STXBP6: variants seen among roughly 807,000 people sequenced by gnomAD.
STXBP6 encodes syntaxin binding protein 6.
In STXBP6, 21 loss-of-function variants were observed where a neutral mutation model predicts 26.9. The ratio of observed to expected loss-of-function variants is 0.78; its 90% CI spans 0.55 to 1.12. The LOEUF (loss-of-function observed/expected upper bound fraction) is 1.12. Ranked by LOEUF, STXBP6 falls within the 50% of genes most tolerant of loss-of-function variation. The pLI is 0.00. For missense variants in STXBP6, 232 were observed against 257.9 expected, an observed-to-expected ratio of 0.90 and a Z score of 0.69; for synonymous variants, 97 against 92.6, an observed-to-expected ratio of 1.05 and a Z score of -0.27.
chr14:24,891,993 C>T (rs552432912), intron 2 of STXBP6, among the ~76,000 whole-genome samples: 1 of 152,198 alleles, frequency 6.6e-6, no homozygotes, highest in Admixed American at 6.5e-5. Context: ...TGGACCAGAT[C>T]AGGTTCCCTT....
intron 2 of STXBP6, among the ~76,000 whole-genome samples, chr14:24,931,130 AAAAAAAAAAAAAC>A (rs1383376279): frequency 1.4e-5 from 2 of 138,916 alleles, no homozygotes; most frequent in Non-Finnish European, 3.1e-5. Context: ...AAAAAAAAAA[AAAAAAAAAAAAAC>A]CCAAACACCA....
At chr14:25,033,863 CTGAA>C (rs1272478820) in intron 1 of STXBP6, among the ~76,000 whole-genome samples, 2 of 152,120 alleles carry the variant, frequency 1.3e-5, no homozygotes, top group Non-Finnish European at 2.9e-5. Context: ...GACTCTTTTG[CTGAA>C]TGAATGAAAA....
intron 2 of STXBP6, among the ~76,000 whole-genome samples, chr14:24,945,897 T>G (rs2072971299): frequency 1.3e-5 from 2 of 152,280 alleles, no homozygotes; most frequent in Admixed American, 6.5e-5. Flanking sequence ...GGAGACACGC[T>G]GGATTTGAGA....
intron 2 of STXBP6, among the ~76,000 whole-genome samples, chr14:24,887,396 T>G (rs1343523926): frequency 6.6e-6 from 1 of 152,190 alleles, no homozygotes; most frequent in Non-Finnish European, 1.5e-5. Flanking sequence ...TTTAATCTCA[T>G]AGCAAAGATG....
intron 2 of STXBP6, among the ~76,000 whole-genome samples, chr14:24,876,724 A>G (rs921535974): frequency 5.9e-5 from 9 of 152,222 alleles, no homozygotes; most frequent in Admixed American, 3.3e-4. Flanking sequence ...GTAAGTCAAG[A>G]GCCTAAAATT....
intron 1 of STXBP6, among the ~76,000 whole-genome samples, chr14:25,006,390 T>C (rs1221638146): frequency 1.3e-5 from 2 of 152,232 alleles, no homozygotes; most frequent in Admixed American, 6.5e-5. Flanking sequence ...TCTTGCTCTG[T>C]TTCTAAGGCT....
intron 1 of STXBP6, among the ~76,000 whole-genome samples, chr14:25,018,390 A>G (rs1399743976): frequency 3.3e-5 from 5 of 152,200 alleles, no homozygotes; most frequent in Admixed American, 3.3e-4. Context: ...CCGGTTTTAC[A>G]AAGTACCAAC....
intron 1 of STXBP6, among the ~76,000 whole-genome samples, chr14:25,021,696 T>C (rs1370054460): frequency 1.3e-5 from 2 of 152,196 alleles, no homozygotes; most frequent in African/African-American, 4.8e-5. Context: ...TCTACTGCCA[T>C]GGCTCCCTTC....
chr14:24,858,617 C>T (rs1260819540), intron 2 of STXBP6, among the ~76,000 whole-genome samples: 1 of 152,128 alleles, frequency 6.6e-6, no homozygotes, highest in African/African-American at 2.4e-5. Flanking sequence ...CAAATAGGAA[C>T]AACCATTCCC....
intron 2 of STXBP6, among the ~76,000 whole-genome samples, chr14:24,926,040 C>A (rs1239843994): frequency 6.6e-6 from 1 of 152,152 alleles, no homozygotes; most frequent in Non-Finnish European, 1.5e-5. Context: ...ATATGGAAAT[C>A]TTTATGCAGT....
chr14:24,982,503 C>T (rs922862237), intron 1 of STXBP6, among the ~76,000 whole-genome samples: 8 of 152,186 alleles, frequency 5.3e-5, no homozygotes, highest in African/African-American at 1.4e-4. Flanking sequence ...ACAACACAAC[C>T]GTACACAACA....
At chr14:25,000,698 T>C (rs563227890) in intron 1 of STXBP6, among the ~76,000 whole-genome samples, 2 of 149,198 alleles carry the variant, frequency 1.3e-5, no homozygotes, top group South Asian at 4.3e-4. Flanking sequence ...TACACAGAAA[T>C]GCAGAGGGAA....
intron 2 of STXBP6, among the ~76,000 whole-genome samples, chr14:24,949,348 C>T (rs1043517139): frequency 6.6e-6 from 1 of 152,096 alleles, no homozygotes; most frequent in African/African-American, 2.4e-5. Context: ...CAGAGAAATG[C>T]AGAAACTAAA....
At chr14:25,039,805 C>T (rs988735781) in intron 1 of STXBP6, among the ~76,000 whole-genome samples, 5 of 151,488 alleles carry the variant, frequency 3.3e-5, no homozygotes, top group Admixed American at 6.6e-5. Flanking sequence ...CTCCTGGGTT[C>T]GAGCAATTCT....
intron 2 of STXBP6, among the ~76,000 whole-genome samples, chr14:24,901,546 G>A (rs2071213496): frequency 1.3e-5 from 2 of 152,122 alleles, no homozygotes; most frequent in Admixed American, 1.3e-4. Flanking sequence ...GAGCACATAT[G>A]TTCACAAAGA....
At chr14:25,027,822 T>C (rs908118815) in intron 1 of STXBP6, among the ~76,000 whole-genome samples, 1 of 152,226 alleles carries the variant, frequency 6.6e-6, no homozygotes, top group Non-Finnish European at 1.5e-5. Flanking sequence ...GCTGAATGCA[T>C]GAATAAGAAA....
At position 24,857,048 on chromosome 14, in the gene STXBP6, A is replaced by G. The variant is rs777120725; in HGVS notation, c.264T>C (p.Val88=). The change falls in exon 3 of 6, where the codon GTT becomes GTC. Residue 88 remains valine, a synonymous_variant. Coordinates refer to ENST00000323944, the MANE Select transcript of STXBP6 (RefSeq NM_001394410.1). Reference sequence around the variant, plus strand: ...TCACCCCATTAGGATCGATACCATTAACCTGGCGAAGCTGCTCGAGCATCC... The same window carrying G: ...TCACCCCATTAGGATCGATACCATTGACCTGGCGAAGCTGCTCGAGCATCC... The part of the protein sequence containing the change: ...SQWMLEQLRQ[V]NGIDPNGDSA... 6.2e-7 allele frequency: 1 copy of G among 1,612,944 alleles called. No homozygotes were observed. Among genetic ancestry groups the G allele is most frequent in the Admixed American group, 1.7e-5 (1 of 59,952 alleles).
chr14:24,856,120 T>G lies in STXBP6; in HGVS notation c.286-19A>C, dbSNP rs1352349385. ...CCGAATCCTGGAAAAGACAATGAAA[T>G]AACTACTAATCTCAATCTATAAAAA... is the stretch of plus-strand genomic sequence containing the variant. On this transcript the variant is annotated intron_variant, in intron 3 of 5. Coordinates refer to ENST00000323944, the MANE Select transcript of STXBP6 (RefSeq NM_001394410.1). 2 of 1,578,972 alleles carry G rather than the reference T, an allele frequency of 1.3e-6. No homozygotes were observed. The highest frequency in any genetic ancestry group is 1.7e-6 in the Non-Finnish European group (2 of 1,165,846).
At chr14:24,827,600 G>A (rs1034559990) in intron 4 of STXBP6, among the ~76,000 whole-genome samples, 1 of 152,114 alleles carries the variant, frequency 6.6e-6, no homozygotes, top group African/African-American at 2.4e-5. Context: ...CTCTCAGCAA[G>A]GTTTCTTTAC....
Sources: gnomAD v4.1 joint callset for allele counts (sites outside exome capture counted in the v4.1 genomes callset) on GRCh38, gnomAD v4.1.1 for gene constraint, MANE v1.5 for transcripts, NCBI Gene and HGNC (gene_info 2026-07-23, HGNC 2026-07-21) for gene names.